Variants in PLA2R1 observed in about 807,000 individuals in gnomAD.
PLA2R1 encodes the protein phospholipase A2 receptor 1.
Under a neutral mutation model 195.9 loss-of-function variants are expected in PLA2R1, and 158 were observed. The observed-to-expected ratio is 0.81, with a 90% confidence interval of 0.71 to 0.92. PLA2R1 has a LOEUF of 0.92. Ranked by LOEUF, PLA2R1 falls within the 40% of genes least tolerant of loss-of-function variation. The pLI, the probability that PLA2R1 is intolerant of heterozygous loss-of-function variation, is 0.00. For missense variants in PLA2R1, 1,626 were observed against 1,764.6 expected (o/e 0.92, Z 1.41); for synonymous variants, 586 against 598.2 (o/e 0.98, Z 0.30).
downstream of PLA2R1, among the ~76,000 whole-genome samples, chr2:159,929,866 G>A (rs1452810720): frequency 5.3e-5 from 6 of 113,848 alleles, no homozygotes; most frequent in African/African-American, 1.6e-4. Flanking sequence ...GTGTGTGTGT[G>A]TGTGTGTATA....
chr2:159,941,586 T>C lies in PLA2R1; in HGVS notation c.*192A>G, dbSNP rs1159735783. The C allele has an allele frequency of 4.1e-6, 2 of 487,906 alleles. No individual in the cohort carries two copies. Among genetic ancestry groups the C allele is most frequent in the Non-Finnish European group, 3.6e-6 (1 of 275,442 alleles). 30.2% of individuals were successfully genotyped at this position (487,906 alleles called of 1,614,324 possible). A position where few individuals can be genotyped will look rare whatever the true frequency, so the allele number is the denominator to read the frequency against. On this transcript the variant is annotated 3_prime_UTR_variant, in exon 30 of 30. Coordinates refer to ENST00000283243, the MANE Select transcript of PLA2R1 (RefSeq NM_007366.5). The stretch of plus-strand genomic sequence containing the variant: ...CCCCTTTTAAGAATGGATCACAGTT[T>C]AGGGAAATGAATAAATCAAAACCCA...
the PLA2R1 span, among the ~76,000 whole-genome samples, chr2:159,924,836 C>G: frequency 1.3e-5 from 2 of 152,048 alleles, no homozygotes; most frequent in African/African-American, 4.8e-5. Flanking sequence ...CTGTTCCAGA[C>G]CCCAGTATGG....
intron 3 of PLA2R1, among the ~76,000 whole-genome samples, chr2:160,041,013 G>A (rs749334546): frequency 2.0e-5 from 3 of 152,162 alleles, no homozygotes; most frequent in Admixed American, 6.5e-5. Flanking sequence ...TAGATGGAGA[G>A]AGCTTCCCAA....
chr2:159,955,113 A>G (rs1687999249), intron 23 of PLA2R1, 86 bp downstream of exon 23: 10 of 980,036 alleles, frequency 1.0e-5, no homozygotes, highest in East Asian at 2.5e-5. Context: ...TGTTAGCTAC[A>G]TTAGCTACAC....
At chr2:160,023,524 T>C (rs560969312) in intron 6 of PLA2R1, among the ~76,000 whole-genome samples, 1 of 152,246 alleles carries the variant, frequency 6.6e-6, no homozygotes, top group African/African-American at 2.4e-5. Context: ...TTCCGAAAAT[T>C]GTATACCCCG....
chr2:159,965,926 C>T (rs1429935421), intron 20 of PLA2R1, among the ~76,000 whole-genome samples: 3 of 152,054 alleles, frequency 2.0e-5, no homozygotes, highest in Non-Finnish European at 2.9e-5. Context: ...AAGTGGCAGG[C>T]ATAGGAAAGG....
intron 20 of PLA2R1, among the ~76,000 whole-genome samples, chr2:159,960,337 G>A (rs536433489): frequency 2.0e-5 from 3 of 152,108 alleles, no homozygotes; most frequent in African/African-American, 7.2e-5. Flanking sequence ...TTTCCTGATC[G>A]ATTTACTAAT....
At chr2:159,994,845 T>A (rs1305546721) in intron 11 of PLA2R1, among the ~76,000 whole-genome samples, 3 of 151,952 alleles carry the variant, frequency 2.0e-5, no homozygotes, top group African/African-American at 4.8e-5. Flanking sequence ...GCTAGTGAAA[T>A]GCGTGACAGG....
intron 8 of PLA2R1, among the ~76,000 whole-genome samples, chr2:160,018,212 T>TA (rs11436531): frequency 0.025 from 3,828 of 151,556 alleles, 134 homozygotes; most frequent in African/African-American, 0.082. Flanking sequence ...ATCAATCTCT[T>TA]AAAAAAAAAT....
At chr2:159,970,271 A>G (rs1355729488) in intron 17 of PLA2R1, 59 bp from the exon 18 acceptor site, 62 of 1,195,864 alleles carry the variant, frequency 5.2e-5, no homozygotes, top group Non-Finnish European at 7.0e-5. Flanking sequence ...CACTATTAAG[A>G]GTAATGGGGT....
intron 3 of PLA2R1, 60 bp downstream of exon 3, chr2:160,041,965 A>G: frequency 7.5e-7 from 1 of 1,331,306 alleles, no homozygotes; most frequent in South Asian, 1.3e-5. Context: ...AGATACAGAT[A>G]ACTTTCTAAT....
chr2:160,036,605 CTCTT>C (rs772335062), intron 3 of PLA2R1, among the ~76,000 whole-genome samples: 1 of 152,180 alleles, frequency 6.6e-6, no homozygotes. Context: ...ATTCCTAGGT[CTCTT>C]TCTATGTGAG....
At position 160,017,144 on chromosome 2, in the gene PLA2R1, C is replaced by A. The variant is rs1033834078; in HGVS notation, c.1453-432G>T. ...TGATACCAAGGTCAGCCTGGCTTTC[C>A]ATTAAGCTGTTCTCAATTTTTCTAT... On this transcript the variant is annotated intron_variant, in intron 8 of 29. Coordinates refer to ENST00000283243, the MANE Select transcript of PLA2R1 (RefSeq NM_007366.5). Among the ~76,000 whole-genome samples, 6 of 152,170 alleles carry A rather than the reference C, an allele frequency of 3.9e-5. No individual in the cohort carries two copies. The East Asian group carries it at 1.2e-3, about 29-fold the overall frequency.
intron 20 of PLA2R1, among the ~76,000 whole-genome samples, chr2:159,957,435 A>C (rs538120159): frequency 9.2e-5 from 14 of 151,848 alleles, no homozygotes; most frequent in Non-Finnish European, 1.9e-4. Context: ...GCTCACTGCA[A>C]CCTCTGCCTC....
intron 4 of PLA2R1, among the ~76,000 whole-genome samples, chr2:160,030,062 C>G (rs1009557306): frequency 2.6e-5 from 4 of 152,148 alleles, no homozygotes; most frequent in Admixed American, 6.5e-5. Flanking sequence ...CTTTTACTAT[C>G]AAAAGAATCT....
intron 17 of PLA2R1, among the ~76,000 whole-genome samples, chr2:159,972,253 G>A (rs768649673): frequency 2.0e-5 from 3 of 152,264 alleles, no homozygotes; most frequent in Admixed American, 6.5e-5. Flanking sequence ...GATGCTAGAA[G>A]ATACCCAGAA....
At chr2:159,998,393 TA>T (rs1235787726) in intron 11 of PLA2R1, among the ~76,000 whole-genome samples, 1 of 152,152 alleles carries the variant, frequency 6.6e-6, no homozygotes, top group Admixed American at 6.6e-5. Context: ...AGAGATTAAA[TA>T]ACTTCCCTGA....
chr2:160,000,623 A>G (rs1339923943), intron 11 of PLA2R1, among the ~76,000 whole-genome samples: 1 of 152,194 alleles, frequency 6.6e-6, no homozygotes, highest in Non-Finnish European at 1.5e-5. Context: ...AGATTATTAG[A>G]AACCAAATAC....
chr2:159,964,978 G>C (rs1389101555), intron 20 of PLA2R1, among the ~76,000 whole-genome samples: 1 of 152,008 alleles, frequency 6.6e-6, no homozygotes, highest in Non-Finnish European at 1.5e-5. Context: ...AGTGAGGGGA[G>C]ATCATGTCAC....
Sources: allele counts gnomAD v4.1 joint callset (sites outside exome capture counted in the v4.1 genomes callset), GRCh38; gene constraint gnomAD v4.1.1; transcripts MANE v1.5; gene names NCBI Gene and HGNC (gene_info 2026-07-23, HGNC 2026-07-21).